Variants in ATXN7L1 observed in about 807,000 individuals in gnomAD.
ATXN7L1 encodes ataxin-7-like protein 1.
In ATXN7L1, 15 loss-of-function variants were observed where a neutral mutation model predicts 70.8. That is an observed-to-expected ratio of 0.21 (90% CI 0.14 to 0.33). The LOEUF (loss-of-function observed/expected upper bound fraction) is 0.33. Ranked by LOEUF, ATXN7L1 falls within the 10% of genes least tolerant of loss-of-function variation. ATXN7L1 has a pLI of 1.00. For missense variants in ATXN7L1, 975 were observed against 1,097.1 expected (o/e 0.89, Z 1.57); for synonymous variants, 440 against 445.1 (o/e 0.99, Z 0.14).
chr7:105,712,021 A>G (rs960549440), intron 3 of ATXN7L1, among the ~76,000 whole-genome samples: 2 of 152,240 alleles, frequency 1.3e-5, no homozygotes, highest in African/African-American at 4.8e-5. Flanking sequence ...ATGCAGGCCC[A>G]ACGTCATGTG....
intron 2 of ATXN7L1, among the ~76,000 whole-genome samples, chr7:105,813,214 T>C (rs943635663): frequency 6.6e-6 from 1 of 152,214 alleles, no homozygotes; most frequent in Non-Finnish European, 1.5e-5. Context: ...ATCTATAATA[T>C]TTCCTGGCCT....
At chr7:105,660,728 G>A (rs1284751508) in intron 4 of ATXN7L1, among the ~76,000 whole-genome samples, 3 of 151,784 alleles carry the variant, frequency 2.0e-5, no homozygotes, top group African/African-American at 7.3e-5. Context: ...GATTACAGGT[G>A]CGCACCACCA....
intron 3 of ATXN7L1, among the ~76,000 whole-genome samples, chr7:105,732,616 G>C (rs1386588258): frequency 6.6e-6 from 1 of 152,124 alleles, no homozygotes; most frequent in Non-Finnish European, 1.5e-5. Context: ...TGTTCTGAGT[G>C]GGCATTGTAG....
At chr7:105,676,732 C>A (rs1472795663) in intron 3 of ATXN7L1, among the ~76,000 whole-genome samples, 2 of 151,832 alleles carry the variant, frequency 1.3e-5, no homozygotes, top group Non-Finnish European at 2.9e-5. Flanking sequence ...CCCAGCTACT[C>A]GGGAGGCCGA....
intron 9 of ATXN7L1, among the ~76,000 whole-genome samples, chr7:105,619,715 C>A (rs1278442382): frequency 2.7e-5 from 4 of 150,788 alleles, no homozygotes; most frequent in Non-Finnish European, 5.9e-5. Flanking sequence ...TTACACCCAG[C>A]TAATTTTTAA....
chr7:105,862,166 G>A (rs987627999), intron 2 of ATXN7L1, among the ~76,000 whole-genome samples: 3 of 152,172 alleles, frequency 2.0e-5, no homozygotes, highest in Admixed American at 6.5e-5. Flanking sequence ...TGGGCGTGGT[G>A]GCTGACTCCT....
chr7:105,761,096 G>T, intron 3 of ATXN7L1: 1 of 1,024,542 alleles, frequency 9.8e-7, no homozygotes, highest in African/African-American at 1.7e-5. Flanking sequence ...GGAACAGCTG[G>T]AAGGCTTTTG....
At chr7:105,679,360 G>C (rs1200528027) in intron 3 of ATXN7L1, among the ~76,000 whole-genome samples, 1 of 152,178 alleles carries the variant, frequency 6.6e-6, no homozygotes, top group African/African-American at 2.4e-5. Context: ...TGTGTGCAGG[G>C]CTGGGCCTTT....
In ATXN7L1 at chr7:105,624,091, T is replaced by G; in HGVS notation, c.1379A>C (p.His460Pro). The change falls in exon 8 of 12, where the codon CAC becomes CCC. Residue 460 changes from histidine to proline, a missense_variant. Transcript: ENST00000419735. ...EKLDCQFSTH[H>P]PRPLAFCSFG... ...GAGGCCTACCGCCAGAGGTCTGGGG[T>G]GGTGCGTGGAGAACTGACAGTCTAG... The G allele has an allele frequency of 1.4e-6, 2 of 1,471,384 alleles. No homozygotes were observed. Among genetic ancestry groups the G allele is most frequent in the Non-Finnish European group, 1.8e-6 (2 of 1,100,642 alleles). 91.1% of individuals were successfully genotyped at this position (1,471,384 alleles called of 1,614,324 possible).
chr7:105,605,399 T>C lies in ATXN7L1; in HGVS notation c.*2453A>G, dbSNP rs1451915300. 6.7e-6 allele frequency: 1 copy of C among 148,808 alleles called. No homozygotes were observed. Among genetic ancestry groups the C allele is most frequent in the Non-Finnish European group, 1.5e-5 (1 of 67,746 alleles). The allele number at this position is 148,808 out of a possible 1,614,324, so 9.2% of individuals were successfully genotyped here. ...GAAGAATACTGTGGGCTTTCCCTTT[T>C]TGCCCAGTTTTCCAGAAATATCCTC... On this transcript the variant is annotated 3_prime_UTR_variant, in exon 12 of 12. Coordinates refer to ENST00000419735, the MANE Select transcript of ATXN7L1 (RefSeq NM_020725.2).
intron 2 of ATXN7L1, among the ~76,000 whole-genome samples, chr7:105,825,297 G>T (rs967288570): frequency 6.6e-6 from 1 of 152,144 alleles, no homozygotes; most frequent in South Asian, 2.1e-4. Context: ...ACGAAGACAG[G>T]CTTCCAGTCA....
chr7:105,730,656 T>C (rs1201421313), intron 3 of ATXN7L1, among the ~76,000 whole-genome samples: 2 of 151,566 alleles, frequency 1.3e-5, no homozygotes, highest in Non-Finnish European at 2.9e-5. Context: ...CACTTGAACC[T>C]GGATGGCAGA....
chr7:105,792,732 GAA>G lies in ATXN7L1; in HGVS notation c.251-4026_251-4025del, dbSNP rs1353051531. Among the ~76,000 whole-genome samples, 6 of 152,298 alleles carry G rather than the reference GAA, an allele frequency of 3.9e-5. No homozygotes were observed. In the East Asian group the frequency reaches 1.2e-3, roughly 29 times the overall value. The stretch of plus-strand genomic sequence containing the variant: ...CAGTAGCTTGAAATCAGCCATGGTG[GAA>G]GTATTTACACCAAGGAAATGGGCAA... On this transcript the variant is annotated intron_variant, in intron 2 of 11. Transcript: ENST00000419735.
chr7:105,829,407 C>T (rs1355199190), intron 2 of ATXN7L1, among the ~76,000 whole-genome samples: 1 of 152,130 alleles, frequency 6.6e-6, no homozygotes, highest in Non-Finnish European at 1.5e-5. Context: ...CAGGCCATTG[C>T]ACTCATTGCA....
Position 105,784,435 on chromosome 7 carries a change from AAC to A in ATXN7L1, c.355+4167_355+4168del, listed in dbSNP as rs10667714. Among the ~76,000 whole-genome samples the A allele has an allele frequency of 9.6e-3, 1,430 of 149,248 alleles. 24 individuals carry two copies. Among genetic ancestry groups the A allele is most frequent in the African/African-American group, 0.03 (1,222 of 40,806 alleles). ...TGAAGTCCCCATAACTGACTGGCTA[AAC>A]ACACACACACACACACACACACTTT... On this transcript the variant is annotated intron_variant, in intron 3 of 11. Coordinates refer to ENST00000419735, the MANE Select transcript of ATXN7L1 (RefSeq NM_020725.2).
At chr7:105,720,467 G>A (rs1795062946) in intron 3 of ATXN7L1, among the ~76,000 whole-genome samples, 1 of 152,180 alleles carries the variant, frequency 6.6e-6, no homozygotes, top group Admixed American at 6.5e-5. Context: ...TGCTCAGACA[G>A]CAGTGCAGTG....
chr7:105,632,179 A>G (rs1409396992), intron 7 of ATXN7L1, among the ~76,000 whole-genome samples: 1 of 152,234 alleles, frequency 6.6e-6, no homozygotes, highest in Non-Finnish European at 1.5e-5. Context: ...GCCCAACCAA[A>G]CATCAAAGAC....
chr7:105,844,312 A>G (rs1212505419), intron 2 of ATXN7L1, among the ~76,000 whole-genome samples: 1 of 152,232 alleles, frequency 6.6e-6, no homozygotes, highest in Non-Finnish European at 1.5e-5. Context: ...CCTTCTGAAC[A>G]TAGACATAAA....
chr7:105,636,549 T>G (rs779818613), intron 7 of ATXN7L1, among the ~76,000 whole-genome samples: 5 of 151,368 alleles, frequency 3.3e-5, no homozygotes, highest in African/African-American at 9.7e-5. Context: ...CTGGCATTTC[T>G]CTATAGATGA....
Sources: gnomAD v4.1 joint callset for allele counts (sites outside exome capture counted in the v4.1 genomes callset) on GRCh38, gnomAD v4.1.1 for gene constraint, MANE v1.5 for transcripts, NCBI Gene and HGNC (gene_info 2026-07-23, HGNC 2026-07-21) for gene names.